GLRB: variants seen among roughly 807,000 people sequenced by gnomAD.
The protein encoded by GLRB is glycine receptor beta.
GLRB carries 33 observed loss-of-function variants against 54.2 expected under a neutral mutation model. That is an observed-to-expected ratio of 0.61 (90% CI 0.46 to 0.81). The LOEUF is 0.81. Among genes scored for constraint, GLRB ranks in the 40% least tolerant of loss-of-function variants. The pLI, the probability that GLRB is intolerant of heterozygous loss-of-function variation, is 0.00. For synonymous variants in GLRB, 209 were observed against 208.2 expected, an observed-to-expected ratio of 1.00 and a Z score of -0.03; for missense variants, 572 against 584.6, an observed-to-expected ratio of 0.98 and a Z score of 0.22.
chr4:157,124,513 T>C (rs1735948494), intron 4 of GLRB, among the ~76,000 whole-genome samples: 1 of 151,814 alleles, frequency 6.6e-6, no homozygotes, highest in African/African-American at 2.4e-5. Flanking sequence ...CACTCAATGG[T>C]GAACACATAA....
Position 157,083,113 on chromosome 4 carries a change from G to T in GLRB, c.122+4967G>T, listed in dbSNP as rs560739451. On this transcript the variant is annotated intron_variant, in intron 2 of 9. Transcript: ENST00000264428. The stretch of plus-strand genomic sequence containing the variant: ...AACTATTTTGCTAATTTTATGTTAA[G>T]CGTATTACTTTTTAGAACTATTTAA... Among the ~76,000 whole-genome samples the T allele has an allele frequency of 5.4e-4, 82 of 151,812 alleles. 1 individual carries two copies. The highest frequency in any genetic ancestry group is 1.9e-3 in the African/African-American group (79 of 41,440).
chr4:157,120,331 T>C (rs1048921204), intron 2 of GLRB, among the ~76,000 whole-genome samples: 24 of 150,860 alleles, frequency 1.6e-4, no homozygotes, highest in Non-Finnish European at 3.3e-4. Flanking sequence ...CATGTATACA[T>C]ATGTAACTAA....
intron 2 of GLRB, among the ~76,000 whole-genome samples, chr4:157,117,756 C>G (rs1349848323): frequency 6.6e-6 from 1 of 151,568 alleles, no homozygotes; most frequent in Non-Finnish European, 1.5e-5. Context: ...GTACTTGAAC[C>G]AATGTGTATT....
intron 8 of GLRB, among the ~76,000 whole-genome samples, chr4:157,146,216 C>T (rs1488675467): frequency 6.6e-6 from 1 of 151,952 alleles, no homozygotes; most frequent in Non-Finnish European, 1.5e-5. Flanking sequence ...AGGGTTTCAC[C>T]ATGTCAGCCA....
chr4:157,138,364 G>A (rs570799699), intron 6 of GLRB, among the ~76,000 whole-genome samples: 136 of 152,198 alleles, frequency 8.9e-4, no homozygotes, highest in African/African-American at 3.0e-3. Flanking sequence ...GTCAGCCACC[G>A]CACCAGGCCG....
rs939471583 is a variant in GLRB at position 157,157,167 on chromosome 4, G to A, written c.1197+4157G>A. ...GGGCCCCCTGTGACATCACCTCAGC[G>A]TGGAAGAGGAGGAGCCTCTTGTTAC... On this transcript the variant is annotated intron_variant, in intron 9 of 9. Coordinates refer to ENST00000264428, the MANE Select transcript of GLRB (RefSeq NM_000824.5). Among the ~76,000 whole-genome samples, 21 of 152,242 alleles carry A rather than the reference G, an allele frequency of 1.4e-4. No individual in the cohort carries two copies. The South Asian group carries it at 3.5e-3, about 26-fold the overall frequency.
At chr4:157,132,476 CAT>C (rs1015319169) in intron 4 of GLRB, among the ~76,000 whole-genome samples, 1 of 151,830 alleles carries the variant, frequency 6.6e-6, no homozygotes, top group Non-Finnish European at 1.5e-5. Context: ...GCTTTTCCCA[CAT>C]GTCACCCACC....
intron 9 of GLRB, among the ~76,000 whole-genome samples, chr4:157,157,152 T>A (rs1737263581): frequency 6.6e-6 from 1 of 152,130 alleles, no homozygotes; most frequent in Admixed American, 6.5e-5. Context: ...GGGCCCCCTG[T>A]GACATCACCT....
rs775213806 is a variant in GLRB, at chr4:157,077,978, T to C, written c.-29-18T>C. 6.5e-7 allele frequency: 1 copy of C among 1,532,240 alleles called. No homozygotes were observed. The highest frequency in any genetic ancestry group is 1.1e-5 in the South Asian group (1 of 88,238). 94.9% of individuals were successfully genotyped at this position (1,532,240 alleles called of 1,614,324 possible). ...ATTTTCTTCATAAATGTAAACATTT[T>C]CTTGTTCTCTCTTGTAGATCGATCT... is the stretch of plus-strand genomic sequence containing the variant. On this transcript the variant is annotated intron_variant, in intron 1 of 9. Coordinates refer to ENST00000264428, the MANE Select transcript of GLRB (RefSeq NM_000824.5).
chr4:157,077,584 T>G (rs1390950987), intron 1 of GLRB, among the ~76,000 whole-genome samples: 1 of 152,028 alleles, frequency 6.6e-6, no homozygotes, highest in Non-Finnish European at 1.5e-5. Context: ...AAAAAGATAC[T>G]TCCAAAGTAC....
Position 157,137,906 on chromosome 4 carries a change from G to C in GLRB, c.611-903G>C, listed in dbSNP as rs1405976136. ...CACTTTTGAGTTCGATACTAGACTA[G>C]TGTATGCTGTAAAATTCTTTAAATT... On this transcript the variant is annotated intron_variant, in intron 6 of 9. Transcript: ENST00000264428. 3.3e-5 allele frequency among the ~76,000 whole-genome samples: 5 copies of C among 152,154 alleles called. No individual in the cohort carries two copies. In the South Asian group the frequency reaches 8.3e-4, roughly 25 times the overall value.
At chr4:157,152,681 TA>T in intron 8 of GLRB, 36 bp from the exon 9 acceptor site, 5 of 1,582,316 alleles carry the variant, frequency 3.2e-6, no homozygotes, top group Non-Finnish European at 4.3e-6. Context: ...CTCATAGGGA[TA>T]AAAAGCAACT....
intron 3 of GLRB, among the ~76,000 whole-genome samples, chr4:157,120,961 C>T (rs1030651240): frequency 6.6e-6 from 1 of 151,504 alleles, no homozygotes; most frequent in Admixed American, 6.6e-5. Flanking sequence ...CTATTCTTAA[C>T]CTTAGTGGTT....
chr4:157,126,829 CA>C (rs1350376330), intron 4 of GLRB, among the ~76,000 whole-genome samples: 1 of 151,722 alleles, frequency 6.6e-6, no homozygotes, highest in Non-Finnish European at 1.5e-5. Flanking sequence ...TATACACTGG[CA>C]CTTTGACTTA....
intron 9 of GLRB, among the ~76,000 whole-genome samples, 162 bp downstream of exon 9, chr4:157,153,172 G>A (rs571576551): frequency 1.3e-5 from 2 of 152,136 alleles, no homozygotes; most frequent in Non-Finnish European, 2.9e-5. Context: ...TTTGGGAAAC[G>A]TGCTTTTTAG....
intron 2 of GLRB, among the ~76,000 whole-genome samples, chr4:157,100,188 T>C (rs1291261850): frequency 6.6e-6 from 1 of 152,210 alleles, no homozygotes; most frequent in Non-Finnish European, 1.5e-5. Context: ...GAAATCTTTC[T>C]CTACTTCAAG....
chr4:157,164,144 ATT>A (rs200742243), intron 9 of GLRB, among the ~76,000 whole-genome samples: 4 of 144,996 alleles, frequency 2.8e-5, no homozygotes, highest in Admixed American at 6.9e-5. Flanking sequence ...CTTTACCAGT[ATT>A]TTTTTTTTTT....
intron 8 of GLRB, among the ~76,000 whole-genome samples, chr4:157,149,032 T>C (rs561048873): frequency 6.6e-6 from 1 of 152,090 alleles, no homozygotes; most frequent in Non-Finnish European, 1.5e-5. Context: ...TCAGACTAAA[T>C]TTCAGGATAT....
intron 2 of GLRB, among the ~76,000 whole-genome samples, chr4:157,087,117 C>A (rs924185135): frequency 3.3e-5 from 5 of 152,086 alleles, no homozygotes; most frequent in Non-Finnish European, 7.4e-5. Flanking sequence ...TTTATGCTTG[C>A]TAGTTCAAAG....
Sources: gnomAD v4.1 joint callset for allele counts (sites outside exome capture counted in the v4.1 genomes callset) on GRCh38, gnomAD v4.1.1 for gene constraint, MANE v1.5 for transcripts, NCBI Gene and HGNC (gene_info 2026-07-23, HGNC 2026-07-21) for gene names.